NALCN: variants seen among roughly 807,000 people sequenced by gnomAD.
NALCN encodes sodium leak channel, non-selective, also known as sodium leak channel NALCN.
NALCN carries 111 observed loss-of-function variants against 225.3 expected under a neutral mutation model. The observed-to-expected ratio is 0.49, with a 90% CI of 0.42 to 0.58. The LOEUF (loss-of-function observed/expected upper bound fraction) is 0.58. Among genes scored for constraint, NALCN ranks in the 20% least tolerant of loss-of-function variants. The pLI is 0.00. For missense variants in NALCN, 1,378 were observed against 2,202.4 expected, an observed-to-expected ratio of 0.63 and a Z score of 7.49; for synonymous variants, 764 against 769.0, an observed-to-expected ratio of 0.99 and a Z score of 0.11.
At chr13:101,368,320 C>T (rs368028493) in intron 6 of NALCN, among the ~76,000 whole-genome samples, 11 of 151,914 alleles carry the variant, frequency 7.2e-5, no homozygotes, top group Admixed American at 4.6e-4. Context: ...ACGTCCCTAC[C>T]AAGGACATGA....
Position 101,383,152 on chromosome 13 carries a change from C to T in NALCN, c.292-4499G>A, listed in dbSNP as rs542731216. Among the ~76,000 whole-genome samples the T allele has an allele frequency of 2.6e-5, 4 of 152,252 alleles. No individual in the cohort carries two copies. In the East Asian group the frequency reaches 7.7e-4, roughly 29 times the overall value. ...CCCGAAAAATTCTGCCAAGTCTGTG[C>T]CAACCTTTCCTTCCAGAGTGATCTG... On this transcript the variant is annotated intron_variant, in intron 3 of 43. Coordinates refer to ENST00000251127, the MANE Select transcript of NALCN (RefSeq NM_052867.4).
chr13:101,303,271 C>T (rs1033574562), intron 7 of NALCN, among the ~76,000 whole-genome samples: 2 of 152,026 alleles, frequency 1.3e-5, no homozygotes, highest in African/African-American at 2.4e-5. Flanking sequence ...TTGATTAGAA[C>T]GAGTTTTAAA....
At chr13:101,083,855 C>T in intron 30 of NALCN, 51 bp from the exon 31 acceptor site, 2 of 1,564,218 alleles carry the variant, frequency 1.3e-6, no homozygotes, top group Admixed American at 1.7e-5. Context: ...GTGCTTGCAC[C>T]AAGAACATGG....
At chr13:101,215,916 T>C (rs2040712866) in intron 13 of NALCN, among the ~76,000 whole-genome samples, 1 of 152,036 alleles carries the variant, frequency 6.6e-6, no homozygotes, top group African/African-American at 2.4e-5. Flanking sequence ...GGCCCACACA[T>C]GACAATCTCT....
At chr13:101,256,014 T>G (rs1299928066) in intron 11 of NALCN, among the ~76,000 whole-genome samples, 1 of 152,152 alleles carries the variant, frequency 6.6e-6, no homozygotes, top group East Asian at 1.9e-4. Context: ...CACTCTTCTC[T>G]CCAAGAACTG....
chr13:101,164,884 A>C (rs2038365294), intron 15 of NALCN, among the ~76,000 whole-genome samples: 1 of 152,210 alleles, frequency 6.6e-6, no homozygotes, highest in African/African-American at 2.4e-5. Context: ...TAATAAACTG[A>C]CCTCAAAAGA....
chr13:101,337,957 A>G (rs1407887097), intron 7 of NALCN, among the ~76,000 whole-genome samples: 9 of 152,144 alleles, frequency 5.9e-5, no homozygotes, highest in Admixed American at 4.6e-4. Flanking sequence ...GGATAATGAT[A>G]CCCCATGGGC....
intron 40 of NALCN, among the ~76,000 whole-genome samples, chr13:101,065,152 G>A (rs913099673): frequency 1.8e-4 from 27 of 152,176 alleles, no homozygotes; most frequent in African/African-American, 6.0e-4. Flanking sequence ...CACCTCAGTG[G>A]GCAGGGGTCC....
intron 25 of NALCN, among the ~76,000 whole-genome samples, chr13:101,103,841 C>T (rs558173452): frequency 6.6e-6 from 1 of 152,236 alleles, no homozygotes; most frequent in East Asian, 1.9e-4. Flanking sequence ...GTTGAATGGG[C>T]AACTGCTATA....
intron 6 of NALCN, among the ~76,000 whole-genome samples, chr13:101,359,920 G>A (rs75457692): frequency 0.032 from 4,903 of 152,164 alleles, 265 homozygotes; most frequent in African/African-American, 0.11. Flanking sequence ...TACACATTAA[G>A]ATTTGAGAGG....
chr13:101,232,454 T>TC (rs1343766119), intron 12 of NALCN, among the ~76,000 whole-genome samples: 1 of 151,480 alleles, frequency 6.6e-6, no homozygotes, highest in Non-Finnish European at 1.5e-5. Context: ...TCTTTTCTTT[T>TC]TTTTTTTTTG....
chr13:101,322,886 A>T (rs933992659), intron 7 of NALCN, among the ~76,000 whole-genome samples: 3 of 151,780 alleles, frequency 2.0e-5, no homozygotes, highest in African/African-American at 7.3e-5. Flanking sequence ...CTAATTTTGT[A>T]TTTTTAGTAG....
chr13:101,110,571 AT>A (rs754870201), intron 20 of NALCN, 47 bp downstream of exon 20: 4 of 1,590,830 alleles, frequency 2.5e-6, no homozygotes, highest in Non-Finnish European at 3.4e-6. Flanking sequence ...ATTTAAATAC[AT>A]TTTCATAATC....
intron 9 of NALCN, among the ~76,000 whole-genome samples, chr13:101,290,050 T>G (rs2043494047): frequency 1.3e-5 from 2 of 152,200 alleles, no homozygotes; most frequent in Non-Finnish European, 2.9e-5. Context: ...ATGAAGGTTT[T>G]TCACAATTCT....
At chr13:101,113,752 G>C (rs904452643) in intron 18 of NALCN, among the ~76,000 whole-genome samples, 10 of 152,196 alleles carry the variant, frequency 6.6e-5, no homozygotes, top group African/African-American at 2.2e-4. Context: ...TTTCACCTAT[G>C]TGAAAGCACA....
Position 101,055,190 on chromosome 13 carries a change from G to T in NALCN, c.*105C>A. On this transcript the variant is annotated 3_prime_UTR_variant, in exon 44 of 44. Transcript: ENST00000251127. ...TCAATTTATAAACATCTTGTGACAA[G>T]CTGGAATTCAGTTATAGATCAATTA... 1.1e-6 allele frequency: 1 copy of T among 873,420 alleles called. No individual in the cohort carries two copies. Among genetic ancestry groups the T allele is most frequent in the Non-Finnish European group, 1.8e-6 (1 of 569,124 alleles). The allele number at this position is 873,420 out of a possible 1,614,324, so 54.1% of individuals were successfully genotyped here.
chr13:101,309,578 T>C (rs984169735), intron 7 of NALCN, among the ~76,000 whole-genome samples: 1 of 152,226 alleles, frequency 6.6e-6, no homozygotes, highest in Admixed American at 6.5e-5. Flanking sequence ...AGACAGTCTG[T>C]CTTAAATTTC....
intron 11 of NALCN, among the ~76,000 whole-genome samples, chr13:101,253,016 TAAGAA>T (rs1362734509): frequency 6.6e-6 from 1 of 152,022 alleles, no homozygotes; most frequent in Non-Finnish European, 1.5e-5. Context: ...TTTTATTTCT[TAAGAA>T]AATAATATAT....
intron 19 of NALCN, 128 bp from the exon 20 acceptor site, chr13:101,110,816 C>T: frequency 1.1e-6 from 1 of 940,808 alleles, no homozygotes; most frequent in South Asian, 1.4e-5. Flanking sequence ...GATTTCTTTT[C>T]ATAGCAGAAG....
Sources: gnomAD v4.1 joint callset for allele counts (sites outside exome capture counted in the v4.1 genomes callset) on GRCh38, gnomAD v4.1.1 for gene constraint, MANE v1.5 for transcripts, NCBI Gene and HGNC (gene_info 2026-07-23, HGNC 2026-07-21) for gene names.